TBC1D1: variants seen among roughly 807,000 people sequenced by gnomAD.
The protein encoded by TBC1D1 is TBC1 (tre-2/USP6, BUB2, cdc16) domain family, member 1.
In TBC1D1, 89 loss-of-function variants were observed where a neutral mutation model predicts 125.6. That is an observed-to-expected ratio of 0.71 (90% CI 0.60 to 0.85). The LOEUF is 0.85. TBC1D1 is among the 40% of genes least tolerant of loss of function. The probability of loss-of-function intolerance (pLI) is 0.00; values close to 1 mark genes in which losing one functional copy is unlikely to be tolerated. For synonymous variants in TBC1D1, 565 were observed against 564.1 expected (o/e 1.00, Z -0.02); for missense variants, 1,377 against 1,469.2 (o/e 0.94, Z 1.03).
At chr4:38,107,963 A>G (rs760629140) in intron 15 of TBC1D1, among the ~76,000 whole-genome samples, 5 of 152,176 alleles carry the variant, frequency 3.3e-5, no homozygotes, top group Non-Finnish European at 5.9e-5. Flanking sequence ...CCTTTGGGGT[A>G]GATCACACCA....
At chr4:37,965,959 C>T (rs1044092721) in intron 2 of TBC1D1, among the ~76,000 whole-genome samples, 1 of 152,208 alleles carries the variant, frequency 6.6e-6, no homozygotes, top group Admixed American at 6.5e-5. Context: ...GTTGGCCAGG[C>T]TGGTCTTGAA....
chr4:37,919,570 G>A (rs1015926243), intron 2 of TBC1D1, among the ~76,000 whole-genome samples: 4 of 151,894 alleles, frequency 2.6e-5, no homozygotes, highest in African/African-American at 9.7e-5. Flanking sequence ...AGACTCATAT[G>A]TGATCACTGG....
chr4:38,000,617 A>G (rs1255449613), intron 2 of TBC1D1, among the ~76,000 whole-genome samples: 1 of 152,210 alleles, frequency 6.6e-6, no homozygotes, highest in Non-Finnish European at 1.5e-5. Context: ...TCACAGTACC[A>G]TGATCTGTTT....
At chr4:37,955,875 G>A (rs560314302) in intron 2 of TBC1D1, among the ~76,000 whole-genome samples, 6 of 152,138 alleles carry the variant, frequency 3.9e-5, no homozygotes, top group South Asian at 2.1e-4. Flanking sequence ...GGTGTCTCAC[G>A]CCTGTAATTC....
At chr4:38,001,278 C>T (rs1739031849) in intron 2 of TBC1D1, among the ~76,000 whole-genome samples, 2 of 152,122 alleles carry the variant, frequency 1.3e-5, no homozygotes, top group African/African-American at 2.4e-5. Flanking sequence ...GGAAGAGATA[C>T]GTAAGGCAAG....
chr4:37,918,362 C>T (rs775683424), intron 2 of TBC1D1, among the ~76,000 whole-genome samples: 2 of 151,712 alleles, frequency 1.3e-5, no homozygotes, highest in African/African-American at 2.4e-5. Context: ...ATGCTAAATA[C>T]GATTTTAGAT....
chr4:38,025,273 C>G (rs894970907), intron 6 of TBC1D1, among the ~76,000 whole-genome samples: 1 of 152,206 alleles, frequency 6.6e-6, no homozygotes, highest in Non-Finnish European at 1.5e-5. Context: ...TTTTCTGCTT[C>G]GGTCCTGGCT....
chr4:37,906,136 C>T (rs917874955), intron 2 of TBC1D1, among the ~76,000 whole-genome samples: 2 of 151,256 alleles, frequency 1.3e-5, no homozygotes, highest in African/African-American at 4.9e-5. Flanking sequence ...AATATTGTCT[C>T]GTCCCTTCTT....
intron 4 of TBC1D1, among the ~76,000 whole-genome samples, chr4:38,020,284 C>T (rs187303893): frequency 1.1e-4 from 16 of 152,106 alleles, no homozygotes; most frequent in Admixed American, 7.9e-4. Context: ...GTCAGGAGTT[C>T]GAGACCAACA....
rs1307012662 is a variant in TBC1D1, at chr4:38,089,967, C to T, written c.2086C>T (p.Pro696Ser). The T allele has an allele frequency of 3.7e-6, 6 of 1,612,954 alleles. No individual in the cohort carries two copies. Among genetic ancestry groups the T allele is most frequent in the Admixed American group, 1.7e-5 (1 of 59,566 alleles). ...GCTGGGAGAGCTTCCCCCACGATCT[C>T]CTTTAGAACCAGTTTGTGAAGATGG... The change falls in exon 13 of 20, where the codon CCT (proline) becomes TCT (serine). Residue 696 changes from proline (P) to serine (S), a missense_variant. Pro to Ser is a moderately conservative substitution (Grantham distance 74). This residue lies in a region of TBC1D1 where 543 missense variants were observed against 613.5 expected (regional missense o/e 0.89). Coordinates refer to ENST00000261439, the MANE Select transcript of TBC1D1 (RefSeq NM_015173.4).
At chr4:37,935,343 C>T (rs916253895) in intron 2 of TBC1D1, among the ~76,000 whole-genome samples, 1 of 152,210 alleles carries the variant, frequency 6.6e-6, no homozygotes, top group African/African-American at 2.4e-5. Flanking sequence ...TCAAACTGAA[C>T]ATGCTCAACT....
chr4:38,008,241 C>T (rs1296018051), intron 2 of TBC1D1, among the ~76,000 whole-genome samples: 2 of 152,208 alleles, frequency 1.3e-5, no homozygotes, highest in Admixed American at 6.5e-5. Context: ...GAAATAATTT[C>T]GTATCCTTAC....
chr4:37,952,054 G>A, intron 2 of TBC1D1: 1 of 717,690 alleles, frequency 1.4e-6, no homozygotes, highest in Non-Finnish European at 2.6e-6. Context: ...CGGAGAAGGT[G>A]AGGAAGAAAG....
At chr4:38,110,847 C>T (rs973350379) in intron 15 of TBC1D1, 15 of 983,502 alleles carry the variant, frequency 1.5e-5, no homozygotes, top group Non-Finnish European at 3.6e-6. Context: ...TTAGCTTTCC[C>T]TGAGCTGGTG....
At chr4:38,100,771 C>T (rs1760178897) in intron 14 of TBC1D1, among the ~76,000 whole-genome samples, 1 of 152,062 alleles carries the variant, frequency 6.6e-6, no homozygotes, top group Non-Finnish European at 1.5e-5. Context: ...TAAGTATTTC[C>T]AAGAGGTGGC....
chr4:38,047,550 A>G (rs558861048), intron 10 of TBC1D1, among the ~76,000 whole-genome samples: 4 of 152,212 alleles, frequency 2.6e-5, no homozygotes, highest in South Asian at 4.1e-4. Context: ...TGGGAAGGCT[A>G]TTTGCTTATT....
At chr4:38,071,597 G>C (rs958563767) in intron 12 of TBC1D1, among the ~76,000 whole-genome samples, 3 of 152,166 alleles carry the variant, frequency 2.0e-5, no homozygotes, top group African/African-American at 7.2e-5. Flanking sequence ...ATTGTGATCT[G>C]TCATTGTGTT....
chr4:38,087,088 A>G (rs1757613911), intron 12 of TBC1D1, among the ~76,000 whole-genome samples: 1 of 152,242 alleles, frequency 6.6e-6, no homozygotes, highest in African/African-American at 2.4e-5. Context: ...TAAGAATCAA[A>G]CAAGCTTATT....
intron 2 of TBC1D1, among the ~76,000 whole-genome samples, chr4:37,950,430 C>T (rs1051979707): frequency 2.7e-5 from 4 of 147,572 alleles, no homozygotes; most frequent in African/African-American, 7.5e-5. Context: ...ATGGAAAGAC[C>T]CTTTATGCCG....
Sources: gnomAD v4.1 joint callset for allele counts (sites outside exome capture counted in the v4.1 genomes callset) on GRCh38, gnomAD v4.1.1 for gene constraint, gnomAD v4.1.1 regional missense constraint, MANE v1.5 for transcripts, NCBI Gene and HGNC (gene_info 2026-07-23, HGNC 2026-07-21) for gene names.